The following RAI14 variants were observed in gnomAD, a reference collection of about 807,000 sequenced individuals.
The protein encoded by RAI14 is retinoic acid induced 14.
A neutral mutation model predicts 115.4 loss-of-function variants in RAI14; 45 were observed. The ratio of observed to expected loss-of-function variants is 0.39; its 90% confidence interval spans 0.31 to 0.50. RAI14 has a LOEUF of 0.50. Ranked by LOEUF, RAI14 falls within the 20% of genes least tolerant of loss-of-function variation. The pLI is 0.85. For synonymous variants in RAI14, 371 were observed against 415.4 expected (o/e 0.89, Z 1.30); for missense variants, 939 against 1,131.2 (o/e 0.83, Z 2.44).
chr5:34,674,550 A>G (rs1425484849), intron 1 of RAI14, among the ~76,000 whole-genome samples: 3 of 149,824 alleles, frequency 2.0e-5, no homozygotes, highest in Admixed American at 2.0e-4. Flanking sequence ...TCCTTTGTAT[A>G]TGGGTCTCCC....
At chr5:34,809,407 G>A (rs764202023) in intron 7 of RAI14, among the ~76,000 whole-genome samples, 7 of 152,080 alleles carry the variant, frequency 4.6e-5, no homozygotes, top group South Asian at 2.1e-4. Context: ...TGTTAATATC[G>A]TTCTCAAAGA....
At chr5:34,822,915 C>T (rs749410698) in intron 14 of RAI14, 41 bp from the exon 15 acceptor site, 1 of 1,514,936 alleles carries the variant, frequency 6.6e-7, no homozygotes, top group Admixed American at 1.8e-5. Flanking sequence ...TCTCAATCTC[C>T]TGACCTTTGA....
chr5:34,690,650 G>A lies in RAI14; in HGVS notation c.36+3695G>A, dbSNP rs148555220. On this transcript the variant is annotated intron_variant, in intron 2 of 17. Coordinates refer to ENST00000265109, the MANE Select transcript of RAI14 (RefSeq NM_015577.3). The stretch of plus-strand genomic sequence containing the variant: ...TCAAAGGCAGATGTGAGTTTGGTAG[G>A]GAATGAGCCTGACTCTGCGGGCTGT... Among the ~76,000 whole-genome samples, 8 of 152,294 alleles carry A rather than the reference G, an allele frequency of 5.3e-5. No individual in the cohort carries two copies. In the East Asian group the frequency reaches 1.5e-3, roughly 29 times the overall value.
At chr5:34,690,326 TC>T (rs1255330984) in intron 2 of RAI14, among the ~76,000 whole-genome samples, 7 of 152,168 alleles carry the variant, frequency 4.6e-5, no homozygotes, top group African/African-American at 1.7e-4. Context: ...AAGAAAGGAT[TC>T]TTTGTATTTC....
intron 3 of RAI14, among the ~76,000 whole-genome samples, chr5:34,765,823 C>T (rs1749272854): frequency 1.3e-5 from 2 of 152,206 alleles, no homozygotes; most frequent in African/African-American, 4.8e-5. Flanking sequence ...TCTCCCACCA[C>T]AGGCCAGGAG....
chr5:34,762,834 T>C (rs952782495), intron 3 of RAI14, among the ~76,000 whole-genome samples: 2 of 152,060 alleles, frequency 1.3e-5, no homozygotes, highest in African/African-American at 4.8e-5. Context: ...GTGTTTGTCT[T>C]ACGAACAACC....
intron 3 of RAI14, among the ~76,000 whole-genome samples, chr5:34,784,045 A>T (rs1343195260): frequency 6.6e-6 from 1 of 152,220 alleles, no homozygotes; most frequent in Non-Finnish European, 1.5e-5. Flanking sequence ...ATCCTCGAGG[A>T]TTAACTCCTC....
chr5:34,697,962 C>T (rs1739471835), intron 2 of RAI14, among the ~76,000 whole-genome samples: 1 of 152,028 alleles, frequency 6.6e-6, no homozygotes, highest in Non-Finnish European at 1.5e-5. Context: ...ATCTTATTCA[C>T]ATTTTTGGTT....
chr5:34,813,485 T>A, intron 10 of RAI14, 89 bp from the exon 11 acceptor site: 1 of 776,882 alleles, frequency 1.3e-6, no homozygotes. Flanking sequence ...ACTTTTGAGG[T>A]TTTTCTCATG....
chr5:34,696,015 T>G (rs776951820), intron 2 of RAI14, among the ~76,000 whole-genome samples: 10 of 152,172 alleles, frequency 6.6e-5, no homozygotes, highest in Non-Finnish European at 1.2e-4. Flanking sequence ...AGACAGTGTC[T>G]CACTATGTTT....
At chr5:34,799,516 ACACACACACACACACACACACAC>A (rs1753953190) in intron 4 of RAI14, among the ~76,000 whole-genome samples, 1 of 108,768 alleles carries the variant, frequency 9.2e-6, no homozygotes, top group African/African-American at 3.0e-5. Context: ...ACACACACAC[ACACACACACACACACACACACAC>A]AAAACCACCT....
intron 1 of RAI14, among the ~76,000 whole-genome samples, chr5:34,678,402 C>G (rs79310931): frequency 0.043 from 6,546 of 152,188 alleles, 440 homozygotes; most frequent in African/African-American, 0.15. Flanking sequence ...TTTCTAAGTC[C>G]TAACCCCCAG....
intron 1 of RAI14, among the ~76,000 whole-genome samples, chr5:34,663,857 T>C (rs1742894113): frequency 6.6e-6 from 1 of 152,218 alleles, no homozygotes; most frequent in African/African-American, 2.4e-5. Flanking sequence ...TATCCACTCT[T>C]TGCGGAAGTT....
intron 2 of RAI14, among the ~76,000 whole-genome samples, chr5:34,734,954 C>G (rs774622940): frequency 1.4e-4 from 22 of 152,174 alleles, no homozygotes; most frequent in Non-Finnish European, 2.6e-4. Context: ...CCACCACACC[C>G]AACCATCTCA....
At chr5:34,700,151 A>G (rs1417368258) in intron 2 of RAI14, among the ~76,000 whole-genome samples, 1 of 152,222 alleles carries the variant, frequency 6.6e-6, no homozygotes, top group Non-Finnish European at 1.5e-5. Flanking sequence ...GTTTTAAAAT[A>G]ACAAAGGGTA....
intron 3 of RAI14, among the ~76,000 whole-genome samples, chr5:34,758,331 A>G (rs1748172127): frequency 6.6e-6 from 1 of 152,216 alleles, no homozygotes; most frequent in Non-Finnish European, 1.5e-5. Context: ...CTCTGAGACA[A>G]GGATTTAAGT....
chr5:34,811,011 G>A lies in RAI14; in HGVS notation c.451-1G>A. The A allele has an allele frequency of 1.2e-6, 2 of 1,613,050 alleles. No homozygotes were observed. Among genetic ancestry groups the A allele is most frequent in the Non-Finnish European group, 1.7e-6 (2 of 1,179,632 alleles). Reference sequence around the variant, plus strand: ...AATCTAAATCTGAATTTGTCTCCTAGGATGGGAATATACCGCTGCTTCTTG... The same window carrying A: ...AATCTAAATCTGAATTTGTCTCCTAAGATGGGAATATACCGCTGCTTCTTG... On this transcript the variant is annotated splice_acceptor_variant, in intron 7 of 17. Transcript: ENST00000265109. LOFTEE classifies it high-confidence loss of function.
chr5:34,736,331 C>T (rs950481273), intron 2 of RAI14, among the ~76,000 whole-genome samples: 3 of 152,042 alleles, frequency 2.0e-5, no homozygotes, highest in Non-Finnish European at 2.9e-5. Flanking sequence ...ACCCGGGTGG[C>T]GGAGGTTGCA....
intron 2 of RAI14, among the ~76,000 whole-genome samples, chr5:34,703,871 A>G (rs17592391): frequency 0.18 from 27,969 of 152,198 alleles, 2,725 homozygotes; most frequent in Non-Finnish European, 0.22. Context: ...ATTGCCCTAA[A>G]GAACAAGCTC....
Sources: gnomAD v4.1 joint callset for allele counts (sites outside exome capture counted in the v4.1 genomes callset) on GRCh38, gnomAD v4.1.1 for gene constraint, MANE v1.5 for transcripts, NCBI Gene and HGNC (gene_info 2026-07-23, HGNC 2026-07-21) for gene names.